Variants in BBX observed in about 807,000 individuals in gnomAD.
The protein encoded by BBX is HMG box transcription factor BBX.
A neutral mutation model predicts 100.2 loss-of-function variants in BBX; 30 were observed. The observed-to-expected ratio is 0.30, with a 90% CI of 0.22 to 0.41. The LOEUF is 0.41. Ranked by LOEUF, BBX falls within the 10% of genes least tolerant of loss-of-function variation. The pLI is 1.00. For synonymous variants in BBX, 376 were observed against 388.1 expected, an observed-to-expected ratio of 0.97 and a Z score of 0.37; for missense variants, 1,023 against 1,129.8, an observed-to-expected ratio of 0.91 and a Z score of 1.35.
intron 3 of BBX, among the ~76,000 whole-genome samples, chr3:107,663,846 C>T (rs2058596387): frequency 6.6e-6 from 1 of 150,910 alleles, no homozygotes; most frequent in African/African-American, 2.4e-5. Flanking sequence ...CACGCTCTCG[C>T]CCAGGCTGGA....
At chr3:107,725,625 C>A (rs186445122) in intron 5 of BBX, among the ~76,000 whole-genome samples, 38 of 152,106 alleles carry the variant, frequency 2.5e-4, no homozygotes, top group Middle Eastern at 6.8e-3. Context: ...AGACAAAATA[C>A]TGTGACAAAG....
intron 2 of BBX, among the ~76,000 whole-genome samples, chr3:107,628,629 A>G (rs1464896573): frequency 5.3e-5 from 8 of 152,284 alleles, no homozygotes; most frequent in Admixed American, 5.2e-4. Context: ...GTGACATAAT[A>G]TTAAAATTCA....
At chr3:107,738,962 CCA>C (rs1247887147) in intron 7 of BBX, among the ~76,000 whole-genome samples, 1 of 152,018 alleles carries the variant, frequency 6.6e-6, no homozygotes, top group African/African-American at 2.4e-5. Flanking sequence ...AGAATTACAC[CCA>C]CATTGTTTTT....
chr3:107,776,568 C>T (rs1294197625), intron 12 of BBX, among the ~76,000 whole-genome samples: 8 of 152,088 alleles, frequency 5.3e-5, no homozygotes, highest in Admixed American at 5.2e-4. Context: ...ATGCCATTTC[C>T]TGTCAGTCTG....
chr3:107,714,316 G>A (rs539312579), intron 4 of BBX, among the ~76,000 whole-genome samples: 1 of 152,126 alleles, frequency 6.6e-6, no homozygotes, highest in African/African-American at 2.4e-5. Context: ...TTTCCAGGGA[G>A]GCCTTCTTGC....
chr3:107,802,628 T>C (rs1459315510), intron 17 of BBX, among the ~76,000 whole-genome samples: 1 of 152,158 alleles, frequency 6.6e-6, no homozygotes, highest in South Asian at 2.1e-4. Flanking sequence ...AATTCAAGGG[T>C]AGGAAAAGGC....
intron 4 of BBX, among the ~76,000 whole-genome samples, chr3:107,713,939 AT>A (rs2107342118): frequency 1.1e-5 from 1 of 94,300 alleles, no homozygotes; most frequent in African/African-American, 3.5e-5. Flanking sequence ...TTAATTTGTA[AT>A]TTTTTAATTT....
rs1560132275 is a variant in BBX at position 107,772,709 on chromosome 3, G to A, written c.988G>A (p.Glu330Lys). The A allele has an allele frequency of 6.2e-7, 1 of 1,610,550 alleles. No homozygotes were observed. The change falls in exon 11 of 18, where the codon GAA becomes AAA. Residue 330 changes from glutamate to lysine, a missense_variant. Around this residue, in one of 9 missense-constraint regions of BBX, gnomAD observed 348 missense variants for 353.2 expected, o/e 0.99. Coordinates refer to ENST00000325805, the MANE Select transcript of BBX (RefSeq NM_001142568.3). The part of the protein sequence containing the change: ...AKESDGGRIK[E>K]LEKGKEEKEI... ...AGAATCCGATGGTGGAAGAATTAAA[G>A]AATTAGAGAAGGGAAAGGAAGAAAA... is the stretch of plus-strand genomic sequence containing the variant.
intron 2 of BBX, among the ~76,000 whole-genome samples, chr3:107,606,334 G>A (rs2054436106): frequency 6.6e-6 from 1 of 152,160 alleles, no homozygotes; most frequent in South Asian, 2.1e-4. Flanking sequence ...ATTTTAAAAT[G>A]GTTTGCAATA....
rs189140382 is a variant in BBX at position 107,800,318 on chromosome 3, G to T, written c.2552-777G>T. ...ACATCCACATTTGTTTTCACTTGGA[G>T]GAGGAGTGAAGAAATATGAGAACAG... On this transcript the variant is annotated intron_variant, in intron 16 of 17. Coordinates refer to ENST00000325805, the MANE Select transcript of BBX (RefSeq NM_001142568.3). 2.8e-3 allele frequency among the ~76,000 whole-genome samples: 426 copies of T among 152,280 alleles called. 3 individuals carry two copies. Among genetic ancestry groups the T allele is most frequent in the African/African-American group, 9.8e-3 (406 of 41,550 alleles).
chr3:107,601,121 C>T (rs369870989), intron 2 of BBX, among the ~76,000 whole-genome samples: 198 of 152,252 alleles, frequency 1.3e-3, no homozygotes, highest in African/African-American at 4.5e-3. Context: ...TGGGGCACCA[C>T]GAACTGCACC....
chr3:107,589,596 C>A (rs1458025961), intron 2 of BBX, among the ~76,000 whole-genome samples: 3 of 152,130 alleles, frequency 2.0e-5, no homozygotes, highest in Admixed American at 6.6e-5. Flanking sequence ...GAAGTTCCAC[C>A]AAAGGAAGCA....
chr3:107,803,211 T>G (rs1323890099), intron 17 of BBX, among the ~76,000 whole-genome samples: 2 of 152,206 alleles, frequency 1.3e-5, no homozygotes, highest in Admixed American at 1.3e-4. Context: ...CTTTTTATTT[T>G]TTTTAACCTT....
At chr3:107,774,428 C>T (rs914237494) in intron 11 of BBX, among the ~76,000 whole-genome samples, 7 of 152,106 alleles carry the variant, frequency 4.6e-5, no homozygotes, top group African/African-American at 1.7e-4. Flanking sequence ...ACTCCCATAC[C>T]TTGGCTGGTT....
chr3:107,631,636 A>T (rs139254405), intron 2 of BBX, among the ~76,000 whole-genome samples: 2 of 151,526 alleles, frequency 1.3e-5, no homozygotes, highest in South Asian at 4.2e-4. Context: ...TTTTTGTGGG[A>T]TCTCTTACCT....
intron 13 of BBX, among the ~76,000 whole-genome samples, chr3:107,779,740 G>A (rs1301095327): frequency 6.6e-6 from 1 of 151,988 alleles, no homozygotes; most frequent in Non-Finnish European, 1.5e-5. Context: ...GAAAATTATG[G>A]TTTATTCTCT....
chr3:107,673,071 A>G (rs772914983), intron 3 of BBX, among the ~76,000 whole-genome samples: 38 of 152,062 alleles, frequency 2.5e-4, no homozygotes, highest in Non-Finnish European at 4.4e-4. Context: ...TCTCTGAAGT[A>G]TGTTCTGACT....
chr3:107,674,542 A>G (rs999376563), intron 3 of BBX, among the ~76,000 whole-genome samples: 10 of 152,194 alleles, frequency 6.6e-5, no homozygotes, highest in Admixed American at 6.5e-4. Flanking sequence ...AAGGGAAGAC[A>G]TTGAGGCGTG....
intron 2 of BBX, among the ~76,000 whole-genome samples, chr3:107,602,412 C>T (rs971295891): frequency 6.6e-6 from 1 of 152,154 alleles, no homozygotes; most frequent in African/African-American, 2.4e-5. Flanking sequence ...TTCTAGATGC[C>T]ATTAAGAATA....
Sources: gnomAD v4.1 joint callset for allele counts (sites outside exome capture counted in the v4.1 genomes callset) on GRCh38, gnomAD v4.1.1 for gene constraint, gnomAD v4.1.1 regional missense constraint, MANE v1.5 for transcripts, NCBI Gene and HGNC (gene_info 2026-07-23, HGNC 2026-07-21) for gene names.